RIMBP2: variants seen among roughly 807,000 people sequenced by gnomAD.
RIMBP2 encodes the protein RIMS-binding protein 2.
A neutral mutation model predicts 118.6 loss-of-function variants in RIMBP2; 48 were observed. That is an observed-to-expected ratio of 0.40 (90% CI 0.32 to 0.51). RIMBP2 has a LOEUF of 0.51. Ranked by LOEUF, RIMBP2 falls within the 20% of genes least tolerant of loss-of-function variation. The pLI is 0.41. For synonymous variants in RIMBP2, 762 were observed against 742.9 expected (o/e 1.03, Z -0.42); for missense variants, 1,551 against 1,768.3 (o/e 0.88, Z 2.20).
chr12:130,648,278 C>A lies in RIMBP2; in HGVS notation c.-351-19822G>T, dbSNP rs1291975988. ...GAAACAGACACGAACTCTCACTTCT[C>A]AAATGCCCTAAAAACATGGTTTTTT... On this transcript the variant is annotated intron_variant, in intron 1 of 22. Coordinates refer to ENST00000690449, the MANE Select transcript of RIMBP2 (RefSeq NM_001393629.1). Among the ~76,000 whole-genome samples the A allele has an allele frequency of 1.4e-5, 2 of 145,880 alleles. 1 individual carries two copies. Among genetic ancestry groups the A allele is most frequent in the Non-Finnish European group, 3.1e-5 (2 of 64,454 alleles).
At chr12:130,645,778 C>G (rs2062843634) in intron 1 of RIMBP2, among the ~76,000 whole-genome samples, 1 of 152,188 alleles carries the variant, frequency 6.6e-6, no homozygotes, top group East Asian at 1.9e-4. Context: ...TTTAAACTTA[C>G]ACATGCTTTT....
At chr12:130,527,465 A>C (rs1193576163) in intron 2 of RIMBP2, among the ~76,000 whole-genome samples, 2 of 150,706 alleles carry the variant, frequency 1.3e-5, no homozygotes, top group African/African-American at 4.9e-5. Context: ...CCAATAATGC[A>C]ATTGCAGGGA....
intron 12 of RIMBP2, among the ~76,000 whole-genome samples, chr12:130,437,744 A>G (rs2077643548): frequency 6.6e-6 from 1 of 152,202 alleles, no homozygotes. Context: ...TTCCCGCCTC[A>G]GAGCACAGGA....
intron 7 of RIMBP2, among the ~76,000 whole-genome samples, chr12:130,455,049 G>A (rs954109529): frequency 6.6e-6 from 1 of 151,742 alleles, no homozygotes; most frequent in African/African-American, 2.4e-5. Flanking sequence ...CGGTGCCCGC[G>A]CAAGCAGCCC....
chr12:130,436,787 C>T lies in RIMBP2; in HGVS notation c.2106+55G>A, dbSNP rs971190419. On this transcript the variant is annotated intron_variant, in intron 13 of 22. Transcript: ENST00000690449. ...ATGGGCTGGGGAGATTACAGGGCCC[C>T]GTCCCGTGGGGTTTGGGGACTGAGG... is the stretch of plus-strand genomic sequence containing the variant. The T allele has an allele frequency of 1.1e-5, 15 of 1,319,542 alleles. No homozygotes were observed. In the East Asian group the frequency reaches 1.2e-4, roughly 11 times the overall value. 81.7% of individuals were successfully genotyped at this position (1,319,542 alleles called of 1,614,324 possible).
chr12:130,572,855 G>C (rs2057787774), intron 2 of RIMBP2, among the ~76,000 whole-genome samples: 1 of 152,134 alleles, frequency 6.6e-6, no homozygotes, highest in Non-Finnish European at 1.5e-5. Context: ...ACCAACTCAG[G>C]GGACAGGTGG....
chr12:130,410,317 C>G lies in RIMBP2; in HGVS notation c.3589+2302G>C, dbSNP rs561907023. On this transcript the variant is annotated intron_variant, in intron 19 of 22. Coordinates refer to ENST00000690449, the MANE Select transcript of RIMBP2 (RefSeq NM_001393629.1). ...AGTGGGTTTTACTTGCAAGGATTTT[C>G]TGCCAGCCTGTGGCTTTTTATTCTG... Among the ~76,000 whole-genome samples the G allele has an allele frequency of 3.6e-4, 55 of 152,304 alleles. No homozygotes were observed. The South Asian group carries it at 0.011, about 32-fold the overall frequency.
In RIMBP2 at chr12:130,446,469, G is replaced by A. The variant is rs982046847; in HGVS notation, c.582-1200C>T. On this transcript the variant is annotated intron_variant, in intron 9 of 22. Transcript: ENST00000690449. This position sits in a 1 kb window ranked among gnomAD's most constrained non-coding sequence, Gnocchi z 4.1. ...AACCAGAGCTGAGACCTCCTGACCC[G>A]TCCTGCGCAGTTTTAACCACACCAG... 3.9e-5 allele frequency among the ~76,000 whole-genome samples: 6 copies of A among 152,164 alleles called. No individual in the cohort carries two copies. The highest frequency in any genetic ancestry group is 1.3e-4 in the Admixed American group (2 of 15,284).
chr12:130,498,318 A>G (rs572616410), intron 4 of RIMBP2, among the ~76,000 whole-genome samples: 1 of 152,344 alleles, frequency 6.6e-6, no homozygotes, highest in East Asian at 1.9e-4. Context: ...TCACTCATTC[A>G]TGCGTGCACT....
At chr12:130,526,099 T>TG (rs1423804522) in intron 2 of RIMBP2, among the ~76,000 whole-genome samples, 1 of 151,640 alleles carries the variant, frequency 6.6e-6, no homozygotes, top group South Asian at 2.1e-4. Flanking sequence ...TTGGCAGGGG[T>TG]GGGGGGTTCT....
At position 130,438,093 on chromosome 12, in the gene RIMBP2, T is replaced by C. The variant is rs150363853; in HGVS notation, c.1656+272A>G. ...ATAAGGCAGTCATCAATCAAGAATGTTCTGACACTAGGGGTCCCCTCTCTG... is the reference window on the plus strand; with the variant it reads ...ATAAGGCAGTCATCAATCAAGAATGCTCTGACACTAGGGGTCCCCTCTCTG... On this transcript the variant is annotated intron_variant, in intron 12 of 22. Coordinates refer to ENST00000690449, the MANE Select transcript of RIMBP2 (RefSeq NM_001393629.1). 3.4e-3 allele frequency among the ~76,000 whole-genome samples: 522 copies of C among 152,320 alleles called. 9 individuals carry two copies. Among genetic ancestry groups the C allele is most frequent in the Admixed American group, 0.03 (461 of 15,304 alleles).
chr12:130,401,225 C>T (rs915973515), intron 21 of RIMBP2, among the ~76,000 whole-genome samples: 8 of 152,034 alleles, frequency 5.3e-5, no homozygotes, highest in Admixed American at 1.3e-4. Context: ...AAGCAATTCT[C>T]CCACCTCAGC....
intron 12 of RIMBP2, 145 bp downstream of exon 12, chr12:130,438,220 C>T: frequency 3.5e-6 from 3 of 855,294 alleles, no homozygotes; most frequent in Non-Finnish European, 5.5e-6. Context: ...GGGGTTCACG[C>T]TGATGGAGTC....
chr12:130,664,457 G>GCACGCA (rs1566439365), intron 1 of RIMBP2, among the ~76,000 whole-genome samples: 1 of 61,026 alleles, frequency 1.6e-5, no homozygotes, highest in Non-Finnish European at 4.3e-5. Context: ...GCACACACAT[G>GCACGCA]CACGCACACA....
At chr12:130,637,411 G>T (rs964040814) in intron 1 of RIMBP2, among the ~76,000 whole-genome samples, 1 of 152,226 alleles carries the variant, frequency 6.6e-6, no homozygotes, top group African/African-American at 2.4e-5. Context: ...GAATGGATGC[G>T]TGCCTGAGAC....
rs1297585330 is a variant in RIMBP2, at chr12:130,525,997, C to A, written c.-216-8080G>T. 6.6e-6 allele frequency among the ~76,000 whole-genome samples: 1 copy of A among 152,068 alleles called. No individual in the cohort carries two copies. Among genetic ancestry groups the A allele is most frequent in the Non-Finnish European group, 1.5e-5 (1 of 68,010 alleles). ...CAGGTTTGAGACCCCCTCCTCCCTG[C>A]CCCAATTTGCCTCTTATTCTCCTGA... On this transcript the variant is annotated intron_variant, in intron 2 of 22. Transcript: ENST00000690449. This position sits in a 1 kb window ranked among gnomAD's most constrained non-coding sequence, Gnocchi z 4.4.
intron 2 of RIMBP2, among the ~76,000 whole-genome samples, chr12:130,577,035 G>C (rs887685343): frequency 6.6e-6 from 1 of 152,192 alleles, no homozygotes; most frequent in African/African-American, 2.4e-5. Context: ...CTGCGTTGAA[G>C]GATTTCTCCT....
chr12:130,540,572 A>G (rs564330501), intron 2 of RIMBP2, among the ~76,000 whole-genome samples: 2 of 152,266 alleles, frequency 1.3e-5, no homozygotes, highest in East Asian at 3.9e-4. Context: ...CCGCATCTGG[A>G]CAGTGACTCA....
At chr12:130,699,296 C>T (rs532783395) in intron 1 of RIMBP2, among the ~76,000 whole-genome samples, 4 of 152,168 alleles carry the variant, frequency 2.6e-5, no homozygotes, top group South Asian at 4.2e-4. Context: ...TATTGCGGCA[C>T]TATTCACAAT....
Sources: allele counts gnomAD v4.1 joint callset (sites outside exome capture counted in the v4.1 genomes callset), GRCh38; gene constraint gnomAD v4.1.1; non-coding constraint Gnocchi (gnomAD v3.1); transcripts MANE v1.5; gene names NCBI Gene and HGNC (gene_info 2026-07-23, HGNC 2026-07-21).